Variants in SVOPL observed in about 807,000 individuals in gnomAD.
SVOPL encodes the protein SVOP like.
A neutral mutation model predicts 61.0 loss-of-function variants in SVOPL; 60 were observed. That is an observed-to-expected ratio of 0.98 (90% CI 0.80 to 1.22). The LOEUF (loss-of-function observed/expected upper bound fraction) is 1.22. Among genes scored for constraint, SVOPL ranks in the 50% most tolerant of loss-of-function variants. The pLI is 0.00. For synonymous variants in SVOPL, 279 were observed against 250.0 expected, an observed-to-expected ratio of 1.12 and a Z score of -1.09; for missense variants, 662 against 643.9, an observed-to-expected ratio of 1.03 and a Z score of -0.30.
At chr7:138,597,049 TC>T (rs1563076834) in intron 14 of SVOPL, 1 of 1,158,146 alleles carries the variant, frequency 8.6e-7, no homozygotes, top group African/African-American at 1.6e-5. Flanking sequence ...ACACCAAAAC[TC>T]TTTGGTGTCA....
rs1329775317 is a variant in SVOPL at position 138,626,017 on chromosome 7, C to G, written c.1215G>C (p.Arg405Ser). ...AGLIGFLFML[R>S]ALVAANFNTV... ...TGTTGAAGTTTGCAGCTACCAGAGC[C>G]CTCAGCATGAAGAGGAAGCCAATCA... Residue 405 changes from arginine (R) to serine (S), a missense_variant, in exon 13 of 16, where the codon AGG becomes AGC. By Grantham distance (110) the Arg-to-Ser change is moderately radical. Coordinates refer to ENST00000674285, the MANE Select transcript of SVOPL (RefSeq NM_001139456.2). 1.2e-6 allele frequency: 2 copies of G among 1,614,106 alleles called. No homozygotes were observed. The highest frequency in any genetic ancestry group is 1.7e-6 in the Non-Finnish European group (2 of 1,180,034).
intron 13 of SVOPL, chr7:138,625,261 G>C (rs776100613): frequency 6.6e-6 from 1 of 152,116 alleles, no homozygotes. Context: ...TTCTCTGCGG[G>C]TTTAATGGTT....
At position 138,627,402 on chromosome 7, in the gene SVOPL, T is replaced by A. The variant is rs1298435322; in HGVS notation, c.1129A>T (p.Thr377Ser). 2 of 1,613,818 alleles carry A rather than the reference T, an allele frequency of 1.2e-6. No individual in the cohort carries two copies. Among genetic ancestry groups the A allele is most frequent in the South Asian group, 2.2e-5 (2 of 91,070 alleles). The change falls in exon 12 of 16, where the codon ACC becomes TCC. Residue 377 changes from threonine to serine, a missense_variant. By Grantham distance (58) the Thr-to-Ser change is moderately conservative (BLOSUM62 1). Coordinates refer to ENST00000674285, the MANE Select transcript of SVOPL (RefSeq NM_001139456.2). ...AAGAATAAAGCCGTGCATCCCATGG[T>A]AATAGAAAGGCTCAGCCGTCTTCCC... ...FLGRRLSLSI[T>S]MGCTALFFLL...
intron 10 of SVOPL, among the ~76,000 whole-genome samples, chr7:138,629,109 T>C: frequency 7.0e-6 from 1 of 143,222 alleles, no homozygotes; most frequent in Non-Finnish European, 1.5e-5. Flanking sequence ...ATGTCTAATA[T>C]ATAAGCATGT....
At chr7:138,609,836 G>C (rs531307685) in intron 14 of SVOPL, among the ~76,000 whole-genome samples, 1 of 151,808 alleles carries the variant, frequency 6.6e-6, no homozygotes, top group African/African-American at 2.4e-5. Flanking sequence ...AGTTTCAATC[G>C]ATTCTCCTGC....
intron 9 of SVOPL, among the ~76,000 whole-genome samples, chr7:138,631,960 T>TCTCTCTCACACACACACACA (rs935815206): frequency 1.4e-5 from 2 of 146,966 alleles, no homozygotes; most frequent in African/African-American, 5.1e-5. Context: ...TGCTCTGATA[T>TCTCTCTCACACACACACACA]CACACACACA....
At chr7:138,655,963 A>G (rs1335234529) in intron 7 of SVOPL, among the ~76,000 whole-genome samples, 2 of 152,192 alleles carry the variant, frequency 1.3e-5, no homozygotes, top group Non-Finnish European at 2.9e-5. Flanking sequence ...GTCAAATGCT[A>G]TCAAACAGCA....
Position 138,627,439 on chromosome 7 carries a change from G to A in SVOPL, c.1092C>T (p.Gly364=), listed in dbSNP as rs1168376710. ...TCAGCCGTCTTCCCAGGAAATTGAT[G>A]CCCAGTATATTTAAAGGATTCACTA... The part of the protein sequence containing the change: ...EIALNPLNIL[G]INFLGRRLSL... The change falls in exon 12 of 16, where the codon GGC becomes GGT. Residue 364 remains glycine, a synonymous_variant. Transcript: ENST00000674285. The A allele has an allele frequency of 6.2e-6, 10 of 1,613,564 alleles. No individual in the cohort carries two copies. In the South Asian group the frequency reaches 1.1e-4, roughly 18 times the overall value.
At chr7:138,648,940 T>C (rs1801277615) in intron 8 of SVOPL, 72 bp downstream of exon 8, 6 of 1,598,104 alleles carry the variant, frequency 3.8e-6, no homozygotes, top group Non-Finnish European at 5.1e-6. Context: ...AAATAAAAGA[T>C]ATTTGTGGGG....
At position 138,686,562 on chromosome 7, in the gene SVOPL, G is replaced by T. The variant is rs149506639; in HGVS notation, c.-34-7483C>A. Among the ~76,000 whole-genome samples, 198 of 66,938 alleles carry T rather than the reference G, an allele frequency of 3.0e-3. 1 individual carries two copies. The highest frequency in any genetic ancestry group is 0.01 in the Middle Eastern group (1 of 96). The allele number at this position is 66,938 out of a possible 152,430, so 43.9% of individuals were successfully genotyped here. A position where few individuals can be genotyped will look rare whatever the true frequency, so the allele number is the denominator to read the frequency against. On this transcript the variant is annotated intron_variant, in intron 1 of 15. Transcript: ENST00000674285. ...GCCTAAGGAGTTTTTTGTTTTTTGG[G>T]TTTTTTTTTTTTTTTTTTTTGAGAC...
chr7:138,663,038 A>C, intron 5 of SVOPL, 36 bp downstream of exon 5: 9 of 1,613,898 alleles, frequency 5.6e-6, no homozygotes, highest in Non-Finnish European at 7.6e-6. Context: ...AATACACAAA[A>C]GACAATTCCA....
intron 14 of SVOPL, among the ~76,000 whole-genome samples, chr7:138,618,157 A>G (rs889147194): frequency 6.6e-6 from 1 of 152,164 alleles, no homozygotes; most frequent in Admixed American, 6.6e-5. Flanking sequence ...TTGATACAAC[A>G]ATACTTTCCA....
intron 14 of SVOPL, 140 bp from the exon 15 acceptor site, chr7:138,596,670 ATTGAT>A: frequency 7.2e-7 from 1 of 1,395,934 alleles, no homozygotes; most frequent in South Asian, 1.6e-5. Context: ...TTCCTGACAA[ATTGAT>A]TTATCTGAGC....
intron 14 of SVOPL, among the ~76,000 whole-genome samples, chr7:138,607,154 T>C (rs1798795773): frequency 6.6e-6 from 1 of 151,958 alleles, no homozygotes; most frequent in Non-Finnish European, 1.5e-5. Flanking sequence ...ATTTCAAACA[T>C]GCTAGATTTA....
In SVOPL at chr7:138,649,081, G is replaced by A. The variant is rs1439385107; in HGVS notation, c.591C>T (p.Pro197=). ...LIIGLASVII[P]TIGWRWLIRV... Reference sequence around the variant, plus strand: ...GAATGAGCCAGCGCCACCCGATGGTGGGGATGATCACAGAGGCCAAGCCAA... The same window carrying A: ...GAATGAGCCAGCGCCACCCGATGGTAGGGATGATCACAGAGGCCAAGCCAA... The change falls in exon 8 of 16, where the codon CCC becomes CCT. Residue 197 remains proline (P), a synonymous_variant. Transcript: ENST00000674285. 4 of 1,613,780 alleles carry A rather than the reference G, an allele frequency of 2.5e-6. No homozygotes were observed. The highest frequency in any genetic ancestry group is 3.4e-6 in the Non-Finnish European group (4 of 1,179,960).
At chr7:138,650,003 T>C (rs1455193079) in intron 7 of SVOPL, among the ~76,000 whole-genome samples, 1 of 152,122 alleles carries the variant, frequency 6.6e-6, no homozygotes, top group Non-Finnish European at 1.5e-5. Context: ...AGCTAATTTT[T>C]GTGTTTTTAG....
At chr7:138,660,657 T>A (rs1801962273) in intron 5 of SVOPL, 1 of 985,314 alleles carries the variant, frequency 1.0e-6, no homozygotes, top group Non-Finnish European at 1.2e-6. Flanking sequence ...TGTACATAAG[T>A]CGTTATGCCC....
intron 6 of SVOPL, among the ~76,000 whole-genome samples, chr7:138,656,725 A>G (rs1801752792): frequency 6.6e-6 from 1 of 152,136 alleles, no homozygotes; most frequent in Non-Finnish European, 1.5e-5. Context: ...TACTCCCAAT[A>G]CTTTAAACCT....
Position 138,621,138 on chromosome 7 carries a change from G to T in SVOPL, c.1264-3C>A. 1 of 1,611,704 alleles carries T rather than the reference G, an allele frequency of 6.2e-7. No individual in the cohort carries two copies. The highest frequency in any genetic ancestry group is 8.5e-7 in the Non-Finnish European group (1 of 1,179,044). ...GCGCGCATCGTGGTGGGGTAGACCT[G>T]CAGGGAGAGGCACGGAAAGTACCAG... is the stretch of plus-strand genomic sequence containing the variant. On this transcript the variant is annotated splice_polypyrimidine_tract_variant and splice_region_variant and intron_variant, in intron 13 of 15. Transcript: ENST00000674285.
Sources: gnomAD v4.1 joint callset for allele counts (sites outside exome capture counted in the v4.1 genomes callset) on GRCh38, gnomAD v4.1.1 for gene constraint, MANE v1.5 for transcripts, NCBI Gene and HGNC (gene_info 2026-07-23, HGNC 2026-07-21) for gene names.